Variants in RBPJ observed in about 807,000 individuals in gnomAD.
RBPJ encodes the protein recombination signal binding protein for immunoglobulin kappa J region.
In RBPJ, 9 loss-of-function variants were observed where a neutral mutation model predicts 67.8. The ratio of observed to expected loss-of-function variants is 0.13; its 90% CI spans 0.08 to 0.23. The LOEUF (loss-of-function observed/expected upper bound fraction) is 0.23. Among genes scored for constraint, RBPJ ranks in the 10% least tolerant of loss-of-function variants. The probability of loss-of-function intolerance (pLI) is 1.00; values close to 1 mark genes in which losing one functional copy is unlikely to be tolerated. For missense variants in RBPJ, 305 were observed against 595.6 expected, an observed-to-expected ratio of 0.51 and a Z score of 5.08; for synonymous variants, 198 against 203.3, an observed-to-expected ratio of 0.97 and a Z score of 0.22.
intron 1 of RBPJ, among the ~76,000 whole-genome samples, chr4:26,255,167 G>T (rs984802185): frequency 6.8e-6 from 1 of 147,578 alleles, no homozygotes; most frequent in African/African-American, 2.5e-5. Context: ...CACTTTGGGA[G>T]GCCAAGGCGG....
intron 1 of RBPJ, among the ~76,000 whole-genome samples, chr4:26,358,485 T>C (rs1482003439): frequency 6.6e-6 from 1 of 151,860 alleles, no homozygotes; most frequent in East Asian, 1.9e-4. Context: ...TTAAAAATAG[T>C]CCACTCAGTC....
intron 7 of RBPJ, among the ~76,000 whole-genome samples, chr4:26,425,343 C>T (rs1416022366): frequency 6.6e-6 from 1 of 152,092 alleles, no homozygotes; most frequent in African/African-American, 2.4e-5. Context: ...CCCAGCACTT[C>T]AACAGGTGAA....
At chr4:26,292,874 C>G (rs1466995802) in intron 1 of RBPJ, among the ~76,000 whole-genome samples, 1 of 150,450 alleles carries the variant, frequency 6.6e-6, no homozygotes, top group African/African-American at 2.5e-5. Flanking sequence ...TCAGTGGACA[C>G]TTAGGTTGTT....
the RBPJ span, among the ~76,000 whole-genome samples, chr4:26,151,783 T>C: frequency 6.6e-6 from 1 of 152,226 alleles, no homozygotes; most frequent in Admixed American, 6.5e-5. Context: ...ATGGCCCATC[T>C]CCAAAGGAGG....
intron 1 of RBPJ, among the ~76,000 whole-genome samples, chr4:26,351,920 A>C (rs1438860334): frequency 2.0e-5 from 3 of 152,144 alleles, no homozygotes; most frequent in Non-Finnish European, 4.4e-5. Flanking sequence ...TTCTATTAAG[A>C]AACAGTGTGT....
At chr4:26,357,769 T>G (rs60730169) in intron 1 of RBPJ, among the ~76,000 whole-genome samples, 13,931 of 152,144 alleles carry the variant, frequency 0.092, 826 homozygotes, top group East Asian at 0.3. Flanking sequence ...CCATTCTTTT[T>G]GTCTCTATGA....
At chr4:26,200,362 C>T (rs1717939650) in intron 1 of RBPJ, among the ~76,000 whole-genome samples, 2 of 152,124 alleles carry the variant, frequency 1.3e-5, no homozygotes, top group Admixed American at 6.6e-5. Context: ...GGTGGCAGAG[C>T]CCAGATTTAA....
chr4:26,320,819 G>A (rs950876535), upstream of RBPJ: 10 of 1,559,264 alleles, frequency 6.4e-6, no homozygotes, highest in East Asian at 1.9e-4. Flanking sequence ...CGCCTGGGTA[G>A]GTTTCCAGGG....
chr4:26,393,667 AC>A (rs1403679434), intron 2 of RBPJ, among the ~76,000 whole-genome samples: 1 of 151,682 alleles, frequency 6.6e-6, no homozygotes, highest in African/African-American at 2.4e-5. Flanking sequence ...GAGCCACCAC[AC>A]CCTGCCTTGA....
intron 1 of RBPJ, among the ~76,000 whole-genome samples, chr4:26,350,224 T>G (rs1726656164): frequency 6.6e-6 from 1 of 152,200 alleles, no homozygotes; most frequent in African/African-American, 2.4e-5. Flanking sequence ...AGAAAAATGG[T>G]TTGTACTACC....
At chr4:26,343,580 CGCTGTTGCCTAG>C (rs1193498831) in intron 1 of RBPJ, among the ~76,000 whole-genome samples, 1 of 151,152 alleles carries the variant, frequency 6.6e-6, no homozygotes, top group African/African-American at 2.4e-5. Flanking sequence ...TAGAATCTCG[CGCTGTTGCCTAG>C]GCTGGAGTGC....
At chr4:26,120,714 C>CTTTTTTTTTTTTTTTTTTTT in the RBPJ span, among the ~76,000 whole-genome samples, 1 of 83,014 alleles carries the variant, frequency 1.2e-5, no homozygotes. Flanking sequence ...ATTTTCTCAA[C>CTTTTTTTTTTTTTTTTTTTT]TTTTTTTTTT....
upstream of RBPJ, among the ~76,000 whole-genome samples, chr4:26,320,279 A>G (rs1372981550): frequency 1.3e-5 from 2 of 152,202 alleles, no homozygotes; most frequent in Non-Finnish European, 2.9e-5. Context: ...TGTCTTTGCT[A>G]GAGGCCTTGG....
the RBPJ span, among the ~76,000 whole-genome samples, chr4:26,135,064 GCA>G: frequency 6.6e-6 from 1 of 152,042 alleles, no homozygotes; most frequent in Admixed American, 6.6e-5. Flanking sequence ...CTTCCTCACT[GCA>G]TTCCTCCTTG....
chr4:26,316,031 C>A (rs748645108), upstream of RBPJ, among the ~76,000 whole-genome samples: 7 of 151,954 alleles, frequency 4.6e-5, no homozygotes, highest in Non-Finnish European at 8.8e-5. Flanking sequence ...TTCAAACACA[C>A]GTTTTACAAT....
rs78672655 is a variant in RBPJ at position 26,365,497 on chromosome 4, T to C, written c.21-20856T>C. 3.7e-3 allele frequency among the ~76,000 whole-genome samples: 557 copies of C among 152,332 alleles called. 5 individuals are homozygous for C. Among genetic ancestry groups the C allele is most frequent in the East Asian group, 0.033 (173 of 5,180 alleles). On this transcript the variant is annotated intron_variant, in intron 1 of 10. Coordinates refer to ENST00000355476, the MANE Select transcript of RBPJ (RefSeq NM_015874.6). The stretch of plus-strand genomic sequence containing the variant: ...GTGGGTTATGACCAGCATTAAAGCA[T>C]GTATTAGCATAGAAAATAAAATATC...
At chr4:26,348,877 A>T (rs910879360) in intron 1 of RBPJ, among the ~76,000 whole-genome samples, 2 of 151,728 alleles carry the variant, frequency 1.3e-5, no homozygotes, top group Non-Finnish European at 2.9e-5. Flanking sequence ...ACGAATTTTT[A>T]AAATTTTTTG....
chr4:26,291,047 TTA>T (rs1388216818), intron 1 of RBPJ, among the ~76,000 whole-genome samples: 2 of 150,956 alleles, frequency 1.3e-5, no homozygotes, highest in African/African-American at 4.9e-5. Flanking sequence ...TGCTCTCTGT[TTA>T]TTACCCATAT....
chr4:26,274,330 T>G (rs1031699428), intron 1 of RBPJ, among the ~76,000 whole-genome samples: 8 of 152,148 alleles, frequency 5.3e-5, no homozygotes, highest in African/African-American at 1.7e-4. Context: ...GATTTTTGAT[T>G]AAGAAAAATG....
Sources: allele counts gnomAD v4.1 joint callset (sites outside exome capture counted in the v4.1 genomes callset), GRCh38; gene constraint gnomAD v4.1.1; transcripts MANE v1.5; gene names NCBI Gene and HGNC (gene_info 2026-07-23, HGNC 2026-07-21).